The following EPHX1 variants were observed in gnomAD, a reference collection of about 807,000 sequenced individuals.
EPHX1 encodes epoxide hydrolase 1, also known as epoxide hydratase.
EPHX1 carries 40 observed loss-of-function variants against 43.2 expected under a neutral mutation model. That is an observed-to-expected ratio of 0.93 (90% confidence interval 0.72 to 1.21). The LOEUF is 1.21. EPHX1 is among the 50% of genes most tolerant of loss of function. The pLI is 0.00. For missense variants in EPHX1, 550 were observed against 570.4 expected (o/e 0.96, Z 0.36); for synonymous variants, 221 against 226.7 (o/e 0.98, Z 0.22).
chr1:225,814,525 G>A (rs964394938), intron 1 of EPHX1, among the ~76,000 whole-genome samples: 6 of 152,242 alleles, frequency 3.9e-5, no homozygotes, highest in African/African-American at 1.2e-4. Flanking sequence ...AGTCTAGGCC[G>A]TGTTCTGAGT....
intron 3 of EPHX1, among the ~76,000 whole-genome samples, chr1:225,836,515 T>C (rs4653689): frequency 0.26 from 39,866 of 152,018 alleles, 5,630 homozygotes; most frequent in Middle Eastern, 0.38. Context: ...GGAGGATCAC[T>C]TGAGCCTGGG....
intron 1 of EPHX1, among the ~76,000 whole-genome samples, chr1:225,811,548 T>C (rs1471960179): frequency 2.0e-5 from 3 of 152,148 alleles, no homozygotes; most frequent in Admixed American, 2.0e-4. Flanking sequence ...GACCTTGGGG[T>C]TGGTGGCTGT....
Position 225,844,615 on chromosome 1 carries a change from G to C in EPHX1, c.1158G>C (p.Lys386Asn). 6.2e-7 allele frequency: 1 copy of C among 1,614,102 alleles called. No homozygotes were observed. Among genetic ancestry groups the C allele is most frequent in the Non-Finnish European group, 8.5e-7 (1 of 1,180,018 alleles). ...TGGGACAGGGCTGGATGACCCAGAA[G>C]CATGAGCGGTGAGCCTGGCTGAGCC... is the stretch of plus-strand genomic sequence containing the variant. ...ENLGQGWMTQ[K>N]HERMKVYVPT... The change falls in exon 8 of 9, where the codon AAG becomes AAC. Residue 386 changes from lysine (K) to asparagine (N), a missense_variant. Lys to Asn is a moderately conservative substitution (Grantham distance 94, BLOSUM62 0). Coordinates refer to ENST00000272167, the MANE Select transcript of EPHX1 (RefSeq NM_001136018.4).
At chr1:225,836,701 C>T (rs112126724) in intron 3 of EPHX1, among the ~76,000 whole-genome samples, 5 of 152,294 alleles carry the variant, frequency 3.3e-5, no homozygotes, top group African/African-American at 9.6e-5. Flanking sequence ...GGACAAATAC[C>T]GCATGATTCC....
chr1:225,843,614 A>G (rs1031719033), intron 7 of EPHX1, among the ~76,000 whole-genome samples: 9 of 152,168 alleles, frequency 5.9e-5, no homozygotes, highest in Non-Finnish European at 2.9e-5. Flanking sequence ...CTATCCCACT[A>G]GGCCACTCCT....
intron 8 of EPHX1, 146 bp from the exon 9 acceptor site, chr1:225,845,000 T>A: frequency 1.1e-6 from 1 of 909,172 alleles, no homozygotes; most frequent in Admixed American, 2.0e-5. Flanking sequence ...GGGAGAGCGG[T>A]TGAGACCCTG....
intron 3 of EPHX1, among the ~76,000 whole-genome samples, chr1:225,833,889 A>C (rs969593306): frequency 2.7e-5 from 4 of 150,884 alleles, no homozygotes; most frequent in Non-Finnish European, 4.4e-5. Context: ...CAAGGTCAGG[A>C]GATCGAGACC....
Position 225,838,885 on chromosome 1 carries a change from CG to C in EPHX1, c.592+8del. 6.2e-7 allele frequency: 1 copy of C among 1,613,552 alleles called. No homozygotes were observed. The highest frequency in any genetic ancestry group is 1.3e-5 in the African/African-American group (1 of 75,038). On this transcript the variant is annotated splice_donor_5th_base_variant and intron_variant, in intron 4 of 8. Transcript: ENST00000272167. ...TCAGAGGCATCCTCCAAGAAGGGTA[CG>C]GGGCTGCTAGAGGTTCCATAACTGC...
chr1:225,824,791 T>C (rs1435028454), intron 1 of EPHX1, among the ~76,000 whole-genome samples: 2 of 152,168 alleles, frequency 1.3e-5, no homozygotes, highest in African/African-American at 4.8e-5. Context: ...GGACTGTTCA[T>C]GTGGGAGCGC....
intron 3 of EPHX1, chr1:225,832,249 T>C (rs542146777): frequency 1.3e-4 from 54 of 415,576 alleles, no homozygotes; most frequent in South Asian, 1.1e-3. Flanking sequence ...GAGATGAGAT[T>C]TAGACCCAGG....
Position 225,844,496 on chromosome 1 carries a change from AG to A in EPHX1, c.1041del. On this transcript the variant is annotated splice_acceptor_variant, in intron 7 of 8. Transcript: ENST00000272167. LOFTEE classifies it high-confidence loss of function. ...GTGGGGCTTTGTGTTCTGCGTTCCCAGGAAGTTCTCCCTGGACGACCTGCTG... is the reference window on the plus strand; with the variant it reads ...GTGGGGCTTTGTGTTCTGCGTTCCCAGAAGTTCTCCCTGGACGACCTGCTG... 4 of 1,614,122 alleles carry A rather than the reference AG, an allele frequency of 2.5e-6. No individual in the cohort carries two copies. The highest frequency in any genetic ancestry group is 3.4e-6 in the Non-Finnish European group (4 of 1,179,992).
intron 5 of EPHX1, 74 bp from the exon 6 acceptor site, chr1:225,839,755 C>A: frequency 2.0e-6 from 3 of 1,493,662 alleles, no homozygotes; most frequent in Non-Finnish European, 2.8e-6. Context: ...GAGGCCTGTT[C>A]CTCCGCCATC....
intron 1 of EPHX1, among the ~76,000 whole-genome samples, chr1:225,816,680 C>T (rs560672219): frequency 6.6e-6 from 1 of 152,364 alleles, no homozygotes; most frequent in East Asian, 1.9e-4. Context: ...CGTGGCCTTC[C>T]CCTTCCCCTC....
intron 1 of EPHX1, among the ~76,000 whole-genome samples, chr1:225,826,733 G>C (rs1407034935): frequency 6.6e-6 from 1 of 152,168 alleles, no homozygotes; most frequent in Admixed American, 6.5e-5. Context: ...GAGAGAAGAG[G>C]TTGTGGGTTT....
intron 1 of EPHX1, among the ~76,000 whole-genome samples, chr1:225,811,871 C>T (rs988986093): frequency 6.6e-6 from 1 of 152,086 alleles, no homozygotes; most frequent in Non-Finnish European, 1.5e-5. Context: ...AGCATGCCCT[C>T]GTGGGATTTG....
At chr1:225,834,231 C>A (rs1215806440) in intron 3 of EPHX1, among the ~76,000 whole-genome samples, 1 of 151,208 alleles carries the variant, frequency 6.6e-6, no homozygotes, top group East Asian at 1.9e-4. Flanking sequence ...ATGGTGAAAC[C>A]CCGTCTCTAC....
At chr1:225,819,415 G>A (rs1261940362) in intron 1 of EPHX1, among the ~76,000 whole-genome samples, 2 of 151,280 alleles carry the variant, frequency 1.3e-5, no homozygotes, top group Non-Finnish European at 2.9e-5. Flanking sequence ...AAAAAAAAAT[G>A]TTTTAAAAAG....
At chr1:225,834,046 C>A (rs1271356420) in intron 3 of EPHX1, among the ~76,000 whole-genome samples, 23 of 142,268 alleles carry the variant, frequency 1.6e-4, no homozygotes, top group Non-Finnish European at 4.5e-5. Flanking sequence ...TGCAGTGAGC[C>A]CAGATTGCGC....
intron 1 of EPHX1, among the ~76,000 whole-genome samples, chr1:225,819,042 A>G (rs1417902844): frequency 1.4e-5 from 2 of 147,712 alleles, no homozygotes; most frequent in East Asian, 2.0e-4. Context: ...CCTGGCCAAT[A>G]TGGTGAAACC....
Sources: gnomAD v4.1 joint callset for allele counts (sites outside exome capture counted in the v4.1 genomes callset) on GRCh38, gnomAD v4.1.1 for gene constraint, MANE v1.5 for transcripts, NCBI Gene and HGNC (gene_info 2026-07-23, HGNC 2026-07-21) for gene names.